The following NUDT17 variants were observed in gnomAD, a reference collection of about 807,000 sequenced individuals.
The protein encoded by NUDT17 is nudix hydrolase 17.
Under a neutral mutation model 38.6 loss-of-function variants are expected in NUDT17, and 38 were observed. The observed-to-expected ratio is 0.98, with a 90% CI of 0.76 to 1.29. The LOEUF (loss-of-function observed/expected upper bound fraction) is 1.29, where lower values mean the gene tolerates loss of function less well. Among genes scored for constraint, NUDT17 ranks in the 50% most tolerant of loss-of-function variants. The probability of loss-of-function intolerance (pLI) is 0.00; values close to 1 mark genes in which losing one functional copy is unlikely to be tolerated. For synonymous variants in NUDT17, 192 were observed against 167.8 expected, an observed-to-expected ratio of 1.14 and a Z score of -1.11; for missense variants, 462 against 415.2, an observed-to-expected ratio of 1.11 and a Z score of -0.98.
chr1:145,847,456 C>A, intron 5 of NUDT17, 108 bp downstream of exon 5: 2 of 1,444,134 alleles, frequency 1.4e-6, no homozygotes, highest in Non-Finnish European at 1.9e-6. Flanking sequence ...TCAGAGATAA[C>A]GAAGAATATG....
In NUDT17 at chr1:145,848,363, G is replaced by C. The variant is rs782445292; in HGVS notation, c.885-14G>C. ...AAGCAGGAAAGGACAACCTCTCTTG[G>C]AATTCCTCCACAGAACACCCCCACC... is the stretch of plus-strand genomic sequence containing the variant. On this transcript the variant is annotated splice_polypyrimidine_tract_variant and intron_variant, in intron 7 of 7. Transcript: ENST00000334513. 6.2e-7 allele frequency: 1 copy of C among 1,613,532 alleles called. No individual in the cohort carries two copies.
Position 145,848,168 on chromosome 1 carries a change from C to A in NUDT17, c.788C>A (p.Thr263Asn), listed in dbSNP as rs781948166. ...RARPLVLHMS[T>N]LLRMIPTMAE... ...CGACCTCTGGTCCTGCACATGTCCA[C>A]CCTCCTGCGGATGATCCCAACCATG... Residue 263 changes from threonine (T) to asparagine (N), a missense_variant, in exon 7 of 8, where the codon ACC becomes AAC. Coordinates refer to ENST00000334513, the MANE Select transcript of NUDT17 (RefSeq NM_001012758.3). The A allele has an allele frequency of 3.7e-5, 60 of 1,614,040 alleles. No individual in the cohort carries two copies. In the South Asian group the frequency reaches 6.0e-4, roughly 16 times the overall value.
Position 145,846,591 on chromosome 1 carries a change from C to T in NUDT17, c.403-7C>T, listed in dbSNP as rs781839142. On this transcript the variant is annotated splice_polypyrimidine_tract_variant and splice_region_variant and intron_variant, in intron 3 of 7. Coordinates refer to ENST00000334513, the MANE Select transcript of NUDT17 (RefSeq NM_001012758.3). ...GGCCCCTCTGATGTGTCTTCTCTGA[C>T]TCCCAGCTGCTGGACGGAGGGCTTC... 1.8e-5 allele frequency: 29 copies of T among 1,613,774 alleles called. No homozygotes were observed. Among genetic ancestry groups the T allele is most frequent in the Non-Finnish European group, 2.4e-5 (28 of 1,179,630 alleles).
chr1:145,847,092 G>T (rs587744251), intron 4 of NUDT17, among the ~76,000 whole-genome samples, 158 bp from the exon 5 acceptor site: 2 of 152,202 alleles, frequency 1.3e-5, no homozygotes, highest in South Asian at 4.1e-4. Context: ...TACTCTGGAG[G>T]CTGAGGCTGG....
intron 4 of NUDT17, among the ~76,000 whole-genome samples, chr1:145,847,029 T>TA (rs1298179803): frequency 6.6e-6 from 1 of 152,202 alleles, no homozygotes; most frequent in East Asian, 1.9e-4. Flanking sequence ...CCGTCTCTAC[T>TA]AAAAATACAA....
At position 145,845,956 on chromosome 1, in the gene NUDT17, A is replaced by ATC. The variant is rs1280982435; in HGVS notation, c.193-57_193-56insTC. 3 of 1,543,944 alleles carry ATC rather than the reference A, an allele frequency of 1.9e-6. No individual in the cohort carries two copies. The African/African-American group carries it at 4.1e-5, about 21-fold the overall frequency. On this transcript the variant is annotated intron_variant, in intron 1 of 7. Coordinates refer to ENST00000334513, the MANE Select transcript of NUDT17 (RefSeq NM_001012758.3). ...CGGTGTAGCCCCATTTTTGGAAGTC[A>ATC]CGCCCACCCAGTGCCGCCCTTCTGA...
At position 145,848,507 on chromosome 1, in the gene NUDT17, T is replaced by G. The variant is rs782544955; in HGVS notation, c.*28T>G. ...TGTAAAATCCCCTCCCTAGCCCATC[T>G]CCATGACACTCACAGAACATTCACA... On this transcript the variant is annotated 3_prime_UTR_variant, in exon 8 of 8. Transcript: ENST00000334513. 1.4e-6 allele frequency: 2 copies of G among 1,434,998 alleles called. No homozygotes were observed. The highest frequency in any genetic ancestry group is 2.0e-6 in the Non-Finnish European group (2 of 1,023,222). 88.9% of individuals were successfully genotyped at this position (1,434,998 alleles called of 1,614,324 possible). A position where few individuals can be genotyped will look rare whatever the true frequency, so the allele number is the denominator to read the frequency against.
chr1:145,847,398 A>G, intron 5 of NUDT17, 50 bp downstream of exon 5: 1 of 1,169,620 alleles, frequency 8.5e-7, no homozygotes, highest in Non-Finnish European at 1.2e-6. Flanking sequence ...AGCCCAAGCA[A>G]CCTGGTTCTG....
rs900267855 is a variant in NUDT17 at position 145,847,173 on chromosome 1, G to A, written c.496-77G>A. 74 of 828,500 alleles carry A rather than the reference G, an allele frequency of 8.9e-5. 1 individual carries two copies. Among genetic ancestry groups the A allele is most frequent in the Middle Eastern group, 3.0e-4 (1 of 3,290 alleles). The allele number at this position is 828,500 out of a possible 1,614,324, so 51.3% of individuals were successfully genotyped here. A position where few individuals can be genotyped will look rare whatever the true frequency, so the allele number is the denominator to read the frequency against. ...CACGCCATTGCATGCCAGCCTGGGC[G>A]ACAAGAGCGAAACTCCATCTTAAAA... is the stretch of plus-strand genomic sequence containing the variant. On this transcript the variant is annotated intron_variant, in intron 4 of 7. Transcript: ENST00000334513.
At position 145,846,459 on chromosome 1, in the gene NUDT17, G is replaced by A. The variant is rs781952774; in HGVS notation, c.402+1G>A. 33 of 1,613,228 alleles carry A rather than the reference G, an allele frequency of 2.0e-5. 1 individual carries two copies. In the South Asian group the frequency reaches 3.5e-4, roughly 17 times the overall value. On this transcript the variant is annotated splice_donor_variant, in intron 3 of 7. Transcript: ENST00000334513. LOFTEE classifies it high-confidence loss of function. ...TGGGCACGTGGAACTTGAGGAGGAG[G>A]TAACCAGTCAGCTGATCCAACCTGA...
chr1:145,846,907 A>G (rs1652720823), intron 4 of NUDT17, among the ~76,000 whole-genome samples: 1 of 152,238 alleles, frequency 6.6e-6, no homozygotes, highest in African/African-American at 2.4e-5. Flanking sequence ...AAGTGACACA[A>G]AGGGCCGGGT....
chr1:145,847,802 G>A, intron 6 of NUDT17, 83 bp downstream of exon 6: 2 of 1,429,790 alleles, frequency 1.4e-6, no homozygotes, highest in Non-Finnish European at 2.0e-6. Flanking sequence ...TCCTCAGGAT[G>A]GAATTTTGTG....
At chr1:145,846,339 G>C (rs1553732488) in intron 2 of NUDT17, 94 bp from the exon 3 acceptor site, 1 of 1,494,298 alleles carries the variant, frequency 6.7e-7, no homozygotes, top group South Asian at 1.1e-5. Context: ...AACTCCCTCT[G>C]TGTCCACTGG....
At position 145,847,638 on chromosome 1, in the gene NUDT17, A is replaced by G. The variant is rs1401376530; in HGVS notation, c.650A>G (p.Asp217Gly). The change falls in exon 6 of 8, where the codon GAT (aspartate) becomes GGT (glycine). Residue 217 changes from aspartate to glycine, a missense_variant. By Grantham distance (94) the Asp-to-Gly change is moderately conservative. Coordinates refer to ENST00000334513, the MANE Select transcript of NUDT17 (RefSeq NM_001012758.3). ...EVSALMWLTPDVAAAVAAAED... is the reference protein window; with the variant it reads ...EVSALMWLTPGVAAAVAAAED... Reference sequence around the variant, plus strand: ...AGCGCCCTTATGTGGCTGACACCAGATGTAGCTGCTGCAGTGGCTGCCGCA... The same window carrying G: ...AGCGCCCTTATGTGGCTGACACCAGGTGTAGCTGCTGCAGTGGCTGCCGCA... The G allele has an allele frequency of 1.2e-6, 2 of 1,613,930 alleles. No homozygotes were observed. Among genetic ancestry groups the G allele is most frequent in the Non-Finnish European group, 1.7e-6 (2 of 1,180,012 alleles).
In NUDT17 at chr1:145,846,471, C is replaced by T. The variant is rs1407873012; in HGVS notation, c.402+13C>T. 1 of 1,612,122 alleles carries T rather than the reference C, an allele frequency of 6.2e-7. No individual in the cohort carries two copies. Among genetic ancestry groups the T allele is most frequent in the Non-Finnish European group, 8.5e-7 (1 of 1,178,510 alleles). ...ACTTGAGGAGGAGGTAACCAGTCAGCTGATCCAACCTGAGCCAAGAGACCC... is the reference window on the plus strand; with the variant it reads ...ACTTGAGGAGGAGGTAACCAGTCAGTTGATCCAACCTGAGCCAAGAGACCC... On this transcript the variant is annotated intron_variant, in intron 3 of 7. Transcript: ENST00000334513.
At chr1:145,845,978 CTGA>C in intron 1 of NUDT17, 32 bp from the exon 2 acceptor site, 1 of 1,573,166 alleles carries the variant, frequency 6.4e-7, no homozygotes, top group South Asian at 1.2e-5. Flanking sequence ...TGCCGCCCTT[CTGA>C]AGCCTTAACC....
At chr1:145,846,338 T>TGTGTCCACTGGAGGGGAGAGGA in intron 2 of NUDT17, 95 bp from the exon 3 acceptor site, 1 of 1,490,730 alleles carries the variant, frequency 6.7e-7, no homozygotes, top group Non-Finnish European at 9.3e-7. Flanking sequence ...CAACTCCCTC[T>TGTGTCCACTGGAGGGGAGAGGA]GTGTCCACTG....
At chr1:145,845,861 G>C (rs1223652936) in intron 1 of NUDT17, 29 bp downstream of exon 1, 2 of 1,555,030 alleles carry the variant, frequency 1.3e-6, no homozygotes, top group African/African-American at 2.7e-5. Flanking sequence ...CAGAGCGGGG[G>C]CAGTGAAGGG....
Position 145,848,200 on chromosome 1 carries a change from G to A in NUDT17, c.820G>A (p.Asp274Asn), listed in dbSNP as rs587676394. 8.1e-6 allele frequency: 13 copies of A among 1,614,222 alleles called. No homozygotes were observed. In the East Asian group the frequency reaches 1.8e-4, roughly 22 times the overall value. ...GCGGATGATCCCAACCATGGCAGAG[G>A]ACAAAGAGAGAGTCAGCACTGGAAC... ...LLRMIPTMAE[D>N]KERVSTGTKF... The change falls in exon 7 of 8, where the codon GAC becomes AAC. Residue 274 changes from aspartate to asparagine, a missense_variant. Transcript: ENST00000334513.
Sources: allele counts gnomAD v4.1 joint callset (sites outside exome capture counted in the v4.1 genomes callset), GRCh38; gene constraint gnomAD v4.1.1; transcripts MANE v1.5; gene names NCBI Gene and HGNC (gene_info 2026-07-23, HGNC 2026-07-21).